The following SPON1 variants were observed in gnomAD, a reference collection of about 807,000 sequenced individuals.
SPON1 encodes the protein spondin-1.
SPON1 carries 52 observed loss-of-function variants against 111.7 expected under a neutral mutation model. The ratio of observed to expected loss-of-function variants is 0.47; its 90% confidence interval spans 0.37 to 0.59. The LOEUF (loss-of-function observed/expected upper bound fraction) is 0.59, where lower values mean the gene tolerates loss of function less well. SPON1 is among the 20% of genes least tolerant of loss of function. The pLI is 0.00. For synonymous variants in SPON1, 410 were observed against 395.8 expected (o/e 1.04, Z -0.43); for missense variants, 957 against 1,068.5 (o/e 0.90, Z 1.46).
At chr11:14,066,331 A>G (rs1848831858) in intron 3 of SPON1, among the ~76,000 whole-genome samples, 1 of 152,200 alleles carries the variant, frequency 6.6e-6, no homozygotes. Context: ...TGCAAGGTTA[A>G]GAAATACCAT....
intron 2 of SPON1, among the ~76,000 whole-genome samples, chr11:13,984,369 A>G (rs1204071874): frequency 6.6e-6 from 1 of 152,170 alleles, no homozygotes; most frequent in African/African-American, 2.4e-5. Flanking sequence ...TAATGTATAA[A>G]CAATAGAAGT....
At chr11:14,234,380 A>C (rs886885358) in intron 6 of SPON1, among the ~76,000 whole-genome samples, 2 of 152,112 alleles carry the variant, frequency 1.3e-5, no homozygotes, top group African/African-American at 2.4e-5. Context: ...GGACCACGGA[A>C]GAGCAGGTCC....
intron 6 of SPON1, among the ~76,000 whole-genome samples, chr11:14,209,274 T>A (rs10766171): frequency 0.12 from 19,011 of 152,176 alleles, 1,406 homozygotes; most frequent in South Asian, 0.23. Context: ...ATAATTTTTT[T>A]ATTATACTTT....
At position 14,254,610 on chromosome 11, in the gene SPON1, G is replaced by A. The variant is rs1849086552; in HGVS notation, c.973G>A (p.Asp325Asn). The change falls in exon 8 of 16, where the codon GAC (aspartate) becomes AAC (asparagine). Residue 325 changes from aspartate to asparagine, a missense_variant. By Grantham distance (23) the Asp-to-Asn change is conservative. This residue lies in a region of SPON1 where 19 missense variants were observed against 47.5 expected (regional missense o/e 0.40). Coordinates refer to ENST00000576479, the MANE Select transcript of SPON1 (RefSeq NM_006108.4). Reference sequence around the variant, plus strand: ...CCTGACCATGATGGGCCCTAGTCCCGACTGGAACGTAGGCTTATCTGCAGA... The same window carrying A: ...CCTGACCATGATGGGCCCTAGTCCCAACTGGAACGTAGGCTTATCTGCAGA... ...SFLTMMGPSP[D>N]WNVGLSAEDL... 1.2e-6 allele frequency: 2 copies of A among 1,613,988 alleles called. No homozygotes were observed. Among genetic ancestry groups the A allele is most frequent in the Non-Finnish European group, 8.5e-7 (1 of 1,179,868 alleles).
intron 2 of SPON1, among the ~76,000 whole-genome samples, chr11:14,028,694 A>C (rs1848537025): frequency 1.3e-5 from 2 of 152,148 alleles, no homozygotes; most frequent in Non-Finnish European, 2.9e-5. Context: ...GTCATCAAGC[A>C]TCTAGCAGCT....
chr11:14,150,138 C>T (rs879971932), intron 6 of SPON1, among the ~76,000 whole-genome samples: 4 of 151,896 alleles, frequency 2.6e-5, no homozygotes, highest in Admixed American at 2.6e-4. Flanking sequence ...ACTATCTAGC[C>T]ATAAAAAAGA....
chr11:14,212,050 A>G (rs1483488714), intron 6 of SPON1, among the ~76,000 whole-genome samples: 5 of 151,920 alleles, frequency 3.3e-5, no homozygotes, highest in African/African-American at 9.7e-5. Flanking sequence ...GGTTTTATCA[A>G]TTTTTCTTTT....
At chr11:14,219,825 C>G (rs1848661924) in intron 6 of SPON1, among the ~76,000 whole-genome samples, 1 of 152,180 alleles carries the variant, frequency 6.6e-6, no homozygotes, top group Admixed American at 6.5e-5. Context: ...AATACCTTTG[C>G]TTCAACTCTG....
intron 6 of SPON1, among the ~76,000 whole-genome samples, chr11:14,197,938 C>T (rs1052261995): frequency 2.6e-5 from 4 of 152,184 alleles, no homozygotes; most frequent in Non-Finnish European, 5.9e-5. Flanking sequence ...TGGCTTTGTT[C>T]GTTTCTCTCT....
At chr11:14,033,315 G>GA (rs1355073789) in intron 2 of SPON1, among the ~76,000 whole-genome samples, 1 of 152,184 alleles carries the variant, frequency 6.6e-6, no homozygotes, top group Non-Finnish European at 1.5e-5. Context: ...GTGGACTTTG[G>GA]AATCGTATTC....
At chr11:13,989,881 T>A (rs1281924391) in intron 2 of SPON1, among the ~76,000 whole-genome samples, 1 of 152,210 alleles carries the variant, frequency 6.6e-6, no homozygotes, top group Non-Finnish European at 1.5e-5. Flanking sequence ...AATTGTGAGT[T>A]CTAGTTTGAT....
At chr11:14,158,634 AC>A (rs1382211414) in intron 6 of SPON1, among the ~76,000 whole-genome samples, 1 of 152,056 alleles carries the variant, frequency 6.6e-6, no homozygotes, top group Admixed American at 6.6e-5. Context: ...TATCTGACTC[AC>A]CTCCATGCAT....
intron 3 of SPON1, among the ~76,000 whole-genome samples, chr11:14,063,847 T>G (rs1554920125): frequency 6.6e-6 from 1 of 152,214 alleles, no homozygotes; most frequent in African/African-American, 2.4e-5. Flanking sequence ...TTGAGAACAA[T>G]GGTTGCCATC....
intron 3 of SPON1, among the ~76,000 whole-genome samples, chr11:14,054,830 T>C (rs543437524): frequency 6.6e-6 from 1 of 152,254 alleles, no homozygotes; most frequent in African/African-American, 2.4e-5. Flanking sequence ...CTCTTACATA[T>C]CTACCATGCT....
At chr11:14,013,793 A>G (rs1339445704) in intron 2 of SPON1, among the ~76,000 whole-genome samples, 1 of 152,204 alleles carries the variant, frequency 6.6e-6, no homozygotes, top group Non-Finnish European at 1.5e-5. Flanking sequence ...CTTCACAAGC[A>G]ATCTAGGAAA....
chr11:14,184,338 A>G (rs527797523), intron 6 of SPON1, among the ~76,000 whole-genome samples: 2 of 152,352 alleles, frequency 1.3e-5, no homozygotes, highest in South Asian at 2.1e-4. Flanking sequence ...CTTGGTTACC[A>G]TGATAAATCT....
chr11:14,062,849 C>A (rs889741246), intron 3 of SPON1, among the ~76,000 whole-genome samples: 1 of 152,132 alleles, frequency 6.6e-6, no homozygotes, highest in Admixed American at 6.5e-5. Flanking sequence ...AAGCAGTGAC[C>A]AGGACAAAGA....
chr11:14,142,310 C>G (rs1199404141), intron 6 of SPON1, among the ~76,000 whole-genome samples: 1 of 152,126 alleles, frequency 6.6e-6, no homozygotes, highest in Non-Finnish European at 1.5e-5. Context: ...ATTTAATGTT[C>G]AAGTTCGTGT....
chr11:14,020,748 T>C (rs117733534), intron 2 of SPON1, among the ~76,000 whole-genome samples: 2,063 of 152,272 alleles, frequency 0.014, 19 homozygotes, highest in Non-Finnish European at 0.021. Context: ...CCAGGAACAG[T>C]AGAAAAGAAC....
Sources: allele counts gnomAD v4.1 joint callset (sites outside exome capture counted in the v4.1 genomes callset), GRCh38; gene constraint gnomAD v4.1.1; regional missense constraint gnomAD v4.1.1; transcripts MANE v1.5; gene names NCBI Gene and HGNC (gene_info 2026-07-23, HGNC 2026-07-21).